GDI2: variants seen among roughly 807,000 people sequenced by gnomAD.
GDI2 encodes GDP dissociation inhibitor 2.
A neutral mutation model predicts 54.2 loss-of-function variants in GDI2; 22 were observed. The observed-to-expected ratio is 0.41, with a 90% confidence interval of 0.29 to 0.58. GDI2 has a LOEUF of 0.58. Among genes scored for constraint, GDI2 ranks in the 20% least tolerant of loss-of-function variants. GDI2 has a pLI of 0.35. For missense variants in GDI2, 422 were observed against 546.0 expected, an observed-to-expected ratio of 0.77 and a Z score of 2.26; for synonymous variants, 177 against 182.1, an observed-to-expected ratio of 0.97 and a Z score of 0.23.
At chr10:5,791,085 A>C (rs1841001162) in intron 4 of GDI2, among the ~76,000 whole-genome samples, 1 of 152,122 alleles carries the variant, frequency 6.6e-6, no homozygotes, top group South Asian at 2.1e-4. Context: ...TGAGTCCGGG[A>C]GTTCAAGACC....
At chr10:5,796,451 C>G (rs1307618760) in intron 3 of GDI2, among the ~76,000 whole-genome samples, 1 of 152,096 alleles carries the variant, frequency 6.6e-6, no homozygotes, top group Non-Finnish European at 1.5e-5. Context: ...AATGCTGTTT[C>G]AAAAGGCCCA....
intron 6 of GDI2, among the ~76,000 whole-genome samples, chr10:5,779,736 C>T (rs1328076067): frequency 6.6e-6 from 1 of 150,804 alleles, no homozygotes; most frequent in African/African-American, 2.4e-5. Flanking sequence ...CTCTGTCACC[C>T]ACACTGAAAT....
chr10:5,800,786 C>A (rs1417777205), intron 1 of GDI2, 81 bp from the exon 2 acceptor site: 4 of 770,580 alleles, frequency 5.2e-6, no homozygotes, highest in East Asian at 2.5e-5. Context: ...CCTGCCATTA[C>A]ACATTCTCTT....
At chr10:5,800,458 CAGA>C in intron 2 of GDI2, 137 bp downstream of exon 2, 1 of 628,294 alleles carries the variant, frequency 1.6e-6, no homozygotes, top group Non-Finnish European at 2.8e-6. Flanking sequence ...AGCTTCAAAC[CAGA>C]AGCTCCTGAA....
rs1216839534 is a variant in GDI2 at position 5,774,393 on chromosome 10, C to T, written c.720-452G>A. 6.6e-6 allele frequency among the ~76,000 whole-genome samples: 1 copy of T among 152,172 alleles called. No individual in the cohort carries two copies. The highest frequency in any genetic ancestry group is 1.5e-5 in the Non-Finnish European group (1 of 68,024). ...GTAACATATTTTGGTGCCTGTGACT[C>T]GGCTACCTTCCACCAGCAACACATT... On this transcript the variant is annotated intron_variant, in intron 6 of 10. Transcript: ENST00000380191. The surrounding 1 kb of genome is among the most constrained non-coding windows in gnomAD (Gnocchi z 4.8).
chr10:5,809,504 A>G (rs188870281), intron 1 of GDI2, among the ~76,000 whole-genome samples: 57 of 152,232 alleles, frequency 3.7e-4, no homozygotes, highest in Non-Finnish European at 7.8e-4. Context: ...CCTTGCCAAT[A>G]TTTTTTTAAA....
intron 3 of GDI2, among the ~76,000 whole-genome samples, chr10:5,795,455 C>A (rs951936026): frequency 4.6e-5 from 7 of 152,172 alleles, no homozygotes; most frequent in African/African-American, 1.7e-4. Context: ...TTAAATAGGA[C>A]AACCAGAATG....
chr10:5,810,099 G>C (rs1457629569), intron 1 of GDI2, among the ~76,000 whole-genome samples: 2 of 152,164 alleles, frequency 1.3e-5, no homozygotes, highest in Non-Finnish European at 2.9e-5. Flanking sequence ...CTGAATTTTA[G>C]TTCAGAATTT....
chr10:5,776,399 C>T lies in GDI2; in HGVS notation c.720-2458G>A, dbSNP rs924648773. 3.7e-5 allele frequency: 28 copies of T among 756,302 alleles called. No homozygotes were observed. The African/African-American group carries it at 4.9e-4, about 13-fold the overall frequency. 46.8% of individuals were successfully genotyped at this position (756,302 alleles called of 1,614,324 possible). ...AGCACAGCCCTTTCACAGAGAAATG[C>T]CTGCCTGAGATTCAAGGGATCTTTG... On this transcript the variant is annotated intron_variant, in intron 6 of 10. Coordinates refer to ENST00000380191, the MANE Select transcript of GDI2 (RefSeq NM_001494.4). This position sits in a 1 kb window ranked among gnomAD's most constrained non-coding sequence, Gnocchi z 5.3.
chr10:5,772,181 G>A (rs1044896727), intron 7 of GDI2, among the ~76,000 whole-genome samples: 22 of 152,220 alleles, frequency 1.4e-4, no homozygotes, highest in African/African-American at 5.1e-4. Context: ...GGAACACGAT[G>A]TGGAGATGGA....
Position 5,776,415 on chromosome 10 carries a change from G to A in GDI2, c.720-2474C>T, listed in dbSNP as rs1840621742. 2.5e-6 allele frequency: 2 copies of A among 785,328 alleles called. No homozygotes were observed. The highest frequency in any genetic ancestry group is 2.8e-5 in the South Asian group (2 of 71,952). 48.6% of individuals were successfully genotyped at this position (785,328 alleles called of 1,614,324 possible). On this transcript the variant is annotated intron_variant, in intron 6 of 10. Coordinates refer to ENST00000380191, the MANE Select transcript of GDI2 (RefSeq NM_001494.4). This position sits in a 1 kb window ranked among gnomAD's most constrained non-coding sequence, Gnocchi z 5.3. ...AGAGAAATGCCTGCCTGAGATTCAA[G>A]GGATCTTTGACAGGGATCCAGACAC... is the stretch of plus-strand genomic sequence containing the variant.
At chr10:5,801,642 C>T (rs1841271869) in intron 1 of GDI2, among the ~76,000 whole-genome samples, 1 of 152,116 alleles carries the variant, frequency 6.6e-6, no homozygotes, top group Non-Finnish European at 1.5e-5. Context: ...CACCACTGCA[C>T]TCCAGCCTGG....
intron 7 of GDI2, among the ~76,000 whole-genome samples, chr10:5,770,448 C>G (rs1365284845): frequency 6.6e-6 from 1 of 151,958 alleles, no homozygotes; most frequent in Non-Finnish European, 1.5e-5. Flanking sequence ...ATAATCCCAG[C>G]TACCTGGGGA....
Position 5,766,190 on chromosome 10 carries a change from G to A in GDI2, c.1192-38C>T. 2 of 1,610,774 alleles carry A rather than the reference G, an allele frequency of 1.2e-6. No individual in the cohort carries two copies. The highest frequency in any genetic ancestry group is 1.7e-6 in the Non-Finnish European group (2 of 1,176,932). On this transcript the variant is annotated intron_variant, in intron 10 of 10. Coordinates refer to ENST00000380191, the MANE Select transcript of GDI2 (RefSeq NM_001494.4). The surrounding 1 kb of genome is among the most constrained non-coding windows in gnomAD (Gnocchi z 5.8). ...ATTACGAAGACTTAAGACCATGGAG[G>A]GATGTCTTCCAGTGAAACCTGCCCA...
chr10:5,773,388 T>A (rs529433465), intron 7 of GDI2, among the ~76,000 whole-genome samples: 3 of 152,050 alleles, frequency 2.0e-5, no homozygotes, highest in Admixed American at 6.5e-5. Context: ...TTCAGTAGCA[T>A]CCACATCACC....
intron 4 of GDI2, among the ~76,000 whole-genome samples, chr10:5,787,662 ATACTT>A (rs1360519684): frequency 1.3e-5 from 2 of 152,260 alleles, no homozygotes; most frequent in Non-Finnish European, 2.9e-5. Context: ...CATCAGCACT[ATACTT>A]AAGACACAAG....
intron 1 of GDI2, among the ~76,000 whole-genome samples, chr10:5,806,359 A>AAGCCCAAGAATTCAACACC (rs6143757): frequency 6.6e-6 from 1 of 150,992 alleles, no homozygotes; most frequent in African/African-American, 2.4e-5. Flanking sequence ...AGAATCGCTT[A>AAGCCCAAGAATTCAACACC]AGCCCAGGTA....
At chr10:5,792,972 A>T (rs1269700888) in intron 4 of GDI2, among the ~76,000 whole-genome samples, 1 of 151,648 alleles carries the variant, frequency 6.6e-6, no homozygotes, top group Non-Finnish European at 1.5e-5. Context: ...AAAAAAAAAA[A>T]AAAAAAATTC....
chr10:5,795,308 G>A (rs937408207), intron 3 of GDI2, among the ~76,000 whole-genome samples: 2 of 151,882 alleles, frequency 1.3e-5, no homozygotes, highest in African/African-American at 4.8e-5. Flanking sequence ...GTTTTGTAGA[G>A]ACAGGGTTTT....
Sources: gnomAD v4.1 joint callset for allele counts (sites outside exome capture counted in the v4.1 genomes callset) on GRCh38, gnomAD v4.1.1 for gene constraint, Gnocchi (gnomAD v3.1) non-coding constraint, MANE v1.5 for transcripts, NCBI Gene and HGNC (gene_info 2026-07-23, HGNC 2026-07-21) for gene names.